The following LPA variants were observed in gnomAD, a reference collection of about 807,000 sequenced individuals.
The protein encoded by LPA is apolipoprotein(a).
LPA carries 199 observed loss-of-function variants against 197.9 expected under a neutral mutation model. That is an observed-to-expected ratio of 1.01 (90% CI 0.90 to 1.13). LPA has a LOEUF of 1.13. LPA is among the 50% of genes most tolerant of loss of function. LPA has a pLI of 0.00. For missense variants in LPA, 1,853 were observed against 1,785.8 expected, an observed-to-expected ratio of 1.04 and a Z score of -0.68; for synonymous variants, 715 against 639.5, an observed-to-expected ratio of 1.12 and a Z score of -1.78.
At chr6:160,586,689 G>C (rs916211499) in intron 24 of LPA, 59 bp from the exon 25 acceptor site, 1 of 1,609,472 alleles carries the variant, frequency 6.2e-7, no homozygotes, top group Non-Finnish European at 8.5e-7. Flanking sequence ...GCACCACCTG[G>C]CACCCTCTAT....
intron 2 of LPA, 107 bp downstream of exon 2, chr6:160,650,231 C>T (rs1163993031): frequency 2.7e-6 from 3 of 1,092,730 alleles, no homozygotes; most frequent in Non-Finnish European, 2.8e-6. Context: ...GCCATGCATT[C>T]TATGTGTGAG....
intron 28 of LPA, among the ~76,000 whole-genome samples, chr6:160,576,690 G>GTATATA (rs71033585): frequency 0.029 from 2,241 of 76,342 alleles, 32 homozygotes; most frequent in Admixed American, 0.051. Context: ...GTGTGTGTGT[G>GTATATA]TATATATATA....
intron 37 of LPA, 76 bp downstream of exon 37, chr6:160,537,779 C>T: frequency 7.4e-7 from 1 of 1,352,206 alleles, no homozygotes; most frequent in African/African-American, 1.4e-5. Flanking sequence ...GTACAACTAT[C>T]TCCAAAATGC....
At chr6:160,611,261 AG>A (rs1779506153) in intron 16 of LPA, among the ~76,000 whole-genome samples, 1 of 152,134 alleles carries the variant, frequency 6.6e-6, no homozygotes. Context: ...ATTGACGCTT[AG>A]TGGGTGTTGG....
At chr6:160,654,058 A>ATATATATTATATATAATATATAT (rs1780079980) in intron 1 of LPA, among the ~76,000 whole-genome samples, 1 of 6,528 alleles carries the variant, frequency 1.5e-4, no homozygotes, top group African/African-American at 4.5e-4. Context: ...ATAATATATT[A>ATATATATTATATATAATATATAT]TATATATTAT....
chr6:160,597,376 G>C lies in LPA; in HGVS notation c.3288-1841C>G, dbSNP rs553322898. ...AGCTCTTATTAGGGTAAAACACATT[G>C]AGCATTGCTACATATTCCTCAATGA... is the stretch of plus-strand genomic sequence containing the variant. On this transcript the variant is annotated intron_variant, in intron 20 of 38. Coordinates refer to ENST00000316300, the MANE Select transcript of LPA (RefSeq NM_005577.4). Among the ~76,000 whole-genome samples, 37 of 152,242 alleles carry C rather than the reference G, an allele frequency of 2.4e-4. No individual in the cohort carries two copies. The South Asian group carries it at 7.5e-3, about 31-fold the overall frequency.
At chr6:160,566,133 C>T (rs1306125059) in intron 28 of LPA, among the ~76,000 whole-genome samples, 3 of 152,084 alleles carry the variant, frequency 2.0e-5, no homozygotes, top group African/African-American at 7.2e-5. Flanking sequence ...GAGAACTTCC[C>T]CAACCTACAA....
chr6:160,582,434 C>G (rs773884549), intron 26 of LPA, among the ~76,000 whole-genome samples: 46 of 151,986 alleles, frequency 3.0e-4, no homozygotes, highest in East Asian at 1.9e-4. Flanking sequence ...TTCCTCCTTA[C>G]CACTCTAAAC....
chr6:160,605,186 A>T lies in LPA; in HGVS notation c.2805T>A (p.Pro935=). ...PSEQAPTEQR[P]GVQECYHGNG... ...TTCCGTGGTAGCACTCCTGCACCCC[A>T]GGCCTTTGCTCAGTTGGTGCTGAAA... Residue 935 remains proline (P), a synonymous_variant, in exon 18 of 39, where the codon CCT becomes CCA. Coordinates refer to ENST00000316300, the MANE Select transcript of LPA (RefSeq NM_005577.4). 2.5e-6 allele frequency: 4 copies of T among 1,613,928 alleles called. No individual in the cohort carries two copies. The highest frequency in any genetic ancestry group is 3.4e-6 in the Non-Finnish European group (4 of 1,179,886).
intron 16 of LPA, among the ~76,000 whole-genome samples, chr6:160,607,076 G>A (rs1009393529): frequency 3.3e-5 from 5 of 151,890 alleles, no homozygotes; most frequent in Admixed American, 3.3e-4. Flanking sequence ...CTCTCGGTAG[G>A]ACTTCATATT....
In LPA at chr6:160,611,636, A is replaced by T. The variant is rs113727842; in HGVS notation, c.2529T>A (p.Thr843=). 14,624 of 1,585,558 alleles carry T rather than the reference A, an allele frequency of 9.2e-3. 215 individuals carry two copies. The highest frequency in any genetic ancestry group is 0.027 in the African/African-American group (1,977 of 72,518). ...ATGACCAAGCTTGGCAGGTTCTTCC[A>T]GTGACAGTGGTGGAGTATGTGCCTC... ...SYRGTYSTTV[T]GRTCQAWSSM... is the part of the protein sequence containing the mutation. The change falls in exon 16 of 39, where the codon ACT becomes ACA. Residue 843 remains threonine (T), a synonymous_variant. Coordinates refer to ENST00000316300, the MANE Select transcript of LPA (RefSeq NM_005577.4).
intron 28 of LPA, among the ~76,000 whole-genome samples, chr6:160,568,720 T>C (rs1032559934): frequency 3.3e-5 from 5 of 152,350 alleles, no homozygotes; most frequent in East Asian, 1.9e-4. Flanking sequence ...GATGACATGA[T>C]TGTATATTTA....
chr6:160,584,948 G>T, intron 26 of LPA, 98 bp downstream of exon 26: 1 of 1,272,194 alleles, frequency 7.9e-7, no homozygotes, highest in Non-Finnish European at 1.1e-6. Flanking sequence ...CTGAGTCTAT[G>T]AGAAATTTGG....
chr6:160,557,934 T>G lies in LPA; in HGVS notation c.4632-363A>C, dbSNP rs894841070. ...GAGTGCATTTTAGATTTTTTTTTTT[T>G]TTTGTGACGGAGTCTCGCTCTGTCG... On this transcript the variant is annotated intron_variant, in intron 28 of 38. Coordinates refer to ENST00000316300, the MANE Select transcript of LPA (RefSeq NM_005577.4). 1.2e-4 allele frequency among the ~76,000 whole-genome samples: 18 copies of G among 152,092 alleles called. 1 individual carries two copies. Among genetic ancestry groups the G allele is most frequent in the African/African-American group, 4.1e-4 (17 of 41,516 alleles).
At chr6:160,601,155 G>A in intron 18 of LPA, 57 bp from the exon 19 acceptor site, 2 of 1,526,178 alleles carry the variant, frequency 1.3e-6, no homozygotes, top group Non-Finnish European at 1.8e-6. Context: ...CAGGAACACT[G>A]TATATTTTGC....
rs756764320 is a variant in LPA at position 160,599,525 on chromosome 6, G to C, written c.3262C>G (p.Arg1088Gly). 15 of 1,613,858 alleles carry C rather than the reference G, an allele frequency of 9.3e-6. No individual in the cohort carries two copies. Among genetic ancestry groups the C allele is most frequent in the Non-Finnish European group, 1.2e-5 (14 of 1,179,968 alleles). ...WSSMTPHQHS[R>G]TPENYPNAGL... ...GCATTTGGGTAGTTTTCTGGGGTCC[G>C]ACTATGCTGGTGTGGTGTCATAGAT... The change falls in exon 20 of 39, where the codon CGG becomes GGG. Residue 1088 changes from arginine to glycine, a missense_variant. This residue lies in a region of LPA where 1,737 missense variants were observed against 1,504.4 expected (regional missense o/e 1.15). Coordinates refer to ENST00000316300, the MANE Select transcript of LPA (RefSeq NM_005577.4).
chr6:160,606,466 A>G lies in LPA; in HGVS notation c.2785+11T>C, dbSNP rs1779353844. The G allele has an allele frequency of 6.2e-7, 1 of 1,613,240 alleles. No individual in the cohort carries two copies. The highest frequency in any genetic ancestry group is 1.7e-5 in the Admixed American group (1 of 60,016). ...TCGAAACGTGTAGGTTTCTGGCCAC[A>G]GGCTCCTTACCTTGTTCAGAAGGAG... On this transcript the variant is annotated intron_variant, in intron 17 of 38. Transcript: ENST00000316300.
At chr6:160,650,088 T>C (rs1779975821) in intron 2 of LPA, among the ~76,000 whole-genome samples, 1 of 152,334 alleles carries the variant, frequency 6.6e-6, no homozygotes, top group African/African-American at 2.4e-5. Flanking sequence ...CTAAACATTC[T>C]GATTTTCCAT....
At chr6:160,535,073 G>C (rs983447036) in intron 37 of LPA, among the ~76,000 whole-genome samples, 13 of 141,384 alleles carry the variant, frequency 9.2e-5, no homozygotes, top group African/African-American at 3.4e-4. Flanking sequence ...GATGGTTACA[G>C]TGATCATTGT....
Sources: allele counts gnomAD v4.1 joint callset (sites outside exome capture counted in the v4.1 genomes callset), GRCh38; gene constraint gnomAD v4.1.1; regional missense constraint gnomAD v4.1.1; transcripts MANE v1.5; gene names NCBI Gene and HGNC (gene_info 2026-07-23, HGNC 2026-07-21).